The following HIP1 variants were observed in gnomAD, a reference collection of about 807,000 sequenced individuals.
The protein encoded by HIP1 is huntingtin interacting protein 1.
In HIP1, 65 loss-of-function variants were observed where a neutral mutation model predicts 147.6. The observed-to-expected ratio is 0.44, with a 90% CI of 0.36 to 0.54. The LOEUF is 0.54. Among genes scored for constraint, HIP1 ranks in the 20% least tolerant of loss-of-function variants. HIP1 has a pLI of 0.00. For synonymous variants in HIP1, 479 were observed against 504.0 expected, an observed-to-expected ratio of 0.95 and a Z score of 0.67; for missense variants, 1,061 against 1,299.6, an observed-to-expected ratio of 0.82 and a Z score of 2.82.
At chr7:75,616,085 CAA>C (rs71098042) in intron 1 of HIP1, among the ~76,000 whole-genome samples, 2 of 35,312 alleles carry the variant, frequency 5.7e-5, no homozygotes, top group Non-Finnish European at 1.0e-4. Flanking sequence ...GACTCTGTCT[CAA>C]AAAAAAAAAA....
At chr7:75,619,049 G>T (rs587664202) in intron 1 of HIP1, among the ~76,000 whole-genome samples, 1 of 152,152 alleles carries the variant, frequency 6.6e-6, no homozygotes, top group African/African-American at 2.4e-5. Flanking sequence ...CCCAGACTTG[G>T]CTAGGCCGGG....
chr7:75,582,994 G>C (rs1316816823), intron 5 of HIP1, among the ~76,000 whole-genome samples: 1 of 151,990 alleles, frequency 6.6e-6, no homozygotes, highest in Non-Finnish European at 1.5e-5. Context: ...CCCCACTCCA[G>C]ACTCTGCCAT....
intron 1 of HIP1, among the ~76,000 whole-genome samples, chr7:75,670,400 C>G (rs1250479572): frequency 6.7e-6 from 1 of 150,206 alleles, no homozygotes; most frequent in African/African-American, 2.5e-5. Flanking sequence ...CATGCTATAT[C>G]TGCCTGCCTC....
intron 1 of HIP1, among the ~76,000 whole-genome samples, chr7:75,621,076 T>A (rs1345574533): frequency 1.3e-5 from 2 of 151,948 alleles, no homozygotes; most frequent in Admixed American, 1.3e-4. Flanking sequence ...CAAAAAAATT[T>A]AAAATGAAAA....
At chr7:75,699,901 A>T (rs1003706889) in intron 1 of HIP1, among the ~76,000 whole-genome samples, 1 of 151,790 alleles carries the variant, frequency 6.6e-6, no homozygotes, top group African/African-American at 2.4e-5. Flanking sequence ...CCCAGGCTGG[A>T]GTGCAGTGGC....
rs187357426 is a variant in HIP1 at position 75,685,491 on chromosome 7, G to A, written c.120+53310C>T. Among the ~76,000 whole-genome samples, 9 of 152,272 alleles carry A rather than the reference G, an allele frequency of 5.9e-5. No homozygotes were observed. The East Asian group carries it at 1.3e-3, about 23-fold the overall frequency. ...TTTGCCCACTTTTCCACTGGGTTGC[G>A]GTTTCCTTCTTATAGCTCTGTGCTA... On this transcript the variant is annotated intron_variant, in intron 1 of 30. Coordinates refer to ENST00000336926, the MANE Select transcript of HIP1 (RefSeq NM_005338.7).
At chr7:75,657,605 A>G (rs1799182962) in intron 1 of HIP1, among the ~76,000 whole-genome samples, 1 of 151,930 alleles carries the variant, frequency 6.6e-6, no homozygotes. Flanking sequence ...ATGCAGCTGG[A>G]GGTTATTTTC....
rs1205541240 is a variant in HIP1, at chr7:75,595,227, T to C, written c.185-2713A>G. Among the ~76,000 whole-genome samples, 30 of 102,362 alleles carry C rather than the reference T, an allele frequency of 2.9e-4. 1 individual carries two copies. The South Asian group carries it at 3.6e-3, about 12-fold the overall frequency. The allele number at this position is 102,362 out of a possible 152,430, so 67.2% of individuals were successfully genotyped here. On this transcript the variant is annotated intron_variant, in intron 2 of 30. Transcript: ENST00000336926. ...TTCTTTCTTTCTTTCTTTCTTTCTT[T>C]CTTTCTTTCTTTCTTTCTTTCTTTC...
chr7:75,543,330 G>A (rs1310312176), intron 27 of HIP1, among the ~76,000 whole-genome samples: 3 of 152,058 alleles, frequency 2.0e-5, no homozygotes, highest in African/African-American at 7.2e-5. Context: ...AGAATCAGTT[G>A]GGGGCATTGA....
At chr7:75,643,181 T>C (rs782033674) in intron 1 of HIP1, among the ~76,000 whole-genome samples, 5 of 152,238 alleles carry the variant, frequency 3.3e-5, no homozygotes, top group Non-Finnish European at 7.3e-5. Context: ...TAGAAGTCCA[T>C]TAATTCCCAG....
chr7:75,558,671 A>C (rs1554493922), intron 14 of HIP1, among the ~76,000 whole-genome samples: 1 of 152,154 alleles, frequency 6.6e-6, no homozygotes, highest in African/African-American at 2.4e-5. Context: ...TGAAAGTCCT[A>C]CTTACAGAAA....
In HIP1 at chr7:75,637,491, T is replaced by C. The variant is rs1000130814; in HGVS notation, c.121-38244A>G. On this transcript the variant is annotated intron_variant, in intron 1 of 30. Coordinates refer to ENST00000336926, the MANE Select transcript of HIP1 (RefSeq NM_005338.7). Reference sequence around the variant, plus strand: ...TGCTCAGACACCTCTAGGAAAGAACTACTGCTTAGTTTTCTACATCTCCAC... The same window carrying C: ...TGCTCAGACACCTCTAGGAAAGAACCACTGCTTAGTTTTCTACATCTCCAC... Among the ~76,000 whole-genome samples the C allele has an allele frequency of 4.0e-5, 6 of 150,102 alleles. No homozygotes were observed. In the South Asian group the frequency reaches 1.3e-3, roughly 32 times the overall value.
chr7:75,610,111 C>G (rs1554504577), intron 1 of HIP1, among the ~76,000 whole-genome samples: 1 of 151,852 alleles, frequency 6.6e-6, no homozygotes, highest in Non-Finnish European at 1.5e-5. Context: ...CCATGTTGGC[C>G]AGGCTGGTCT....
intron 1 of HIP1, among the ~76,000 whole-genome samples, chr7:75,647,240 A>G (rs1798828248): frequency 1.5e-5 from 2 of 132,238 alleles, no homozygotes; most frequent in Non-Finnish European, 3.3e-5. Flanking sequence ...AAAAAAAAAA[A>G]AAAAAAAATT....
chr7:75,712,394 A>C (rs1223181226), intron 1 of HIP1, among the ~76,000 whole-genome samples: 3 of 152,108 alleles, frequency 2.0e-5, no homozygotes, highest in African/African-American at 7.2e-5. Flanking sequence ...GAGATGCCCA[A>C]ATGATGTGAA....
rs782279387 is a variant in HIP1 at position 75,662,725 on chromosome 7, C to T, written c.121-63478G>A. Among the ~76,000 whole-genome samples, 38 of 152,006 alleles carry T rather than the reference C, an allele frequency of 2.5e-4. 1 individual carries two copies. Among genetic ancestry groups the T allele is most frequent in the Non-Finnish European group, 1.0e-4 (7 of 68,018 alleles). On this transcript the variant is annotated intron_variant, in intron 1 of 30. Transcript: ENST00000336926. Reference sequence around the variant, plus strand: ...TTCACCATGTTGGTCAGTCTTGTCTCGAACTCCTGACCTCAAATGATCCAT... The same window carrying T: ...TTCACCATGTTGGTCAGTCTTGTCTTGAACTCCTGACCTCAAATGATCCAT...
At chr7:75,653,118 G>A (rs1375970745) in intron 1 of HIP1, among the ~76,000 whole-genome samples, 1 of 151,744 alleles carries the variant, frequency 6.6e-6, no homozygotes, top group Admixed American at 6.6e-5. Flanking sequence ...CATTCATTAG[G>A]ATATGTGATT....
At chr7:75,715,983 G>A (rs1801306948) in intron 1 of HIP1, among the ~76,000 whole-genome samples, 1 of 151,830 alleles carries the variant, frequency 6.6e-6, no homozygotes, top group African/African-American at 2.4e-5. Context: ...TAAACAACCA[G>A]CTCTCACATG....
chr7:75,643,255 C>T (rs1554510709), intron 1 of HIP1, among the ~76,000 whole-genome samples: 2 of 152,156 alleles, frequency 1.3e-5, no homozygotes, highest in Admixed American at 6.5e-5. Context: ...TGTTACTATG[C>T]TAATGCTAGC....
Sources: allele counts gnomAD v4.1 joint callset (sites outside exome capture counted in the v4.1 genomes callset), GRCh38; gene constraint gnomAD v4.1.1; transcripts MANE v1.5; gene names NCBI Gene and HGNC (gene_info 2026-07-23, HGNC 2026-07-21).